Variants in CREBL2 observed in about 807,000 individuals in gnomAD.
The protein encoded by CREBL2 is cAMP responsive element binding protein like 2.
A neutral mutation model predicts 19.5 loss-of-function variants in CREBL2; 4 were observed. The observed-to-expected ratio is 0.20, with a 90% CI of 0.10 to 0.47. The LOEUF (loss-of-function observed/expected upper bound fraction) is 0.47, where lower values mean the gene tolerates loss of function less well. Among genes scored for constraint, CREBL2 ranks in the 20% least tolerant of loss-of-function variants. The pLI is 0.98. For missense variants in CREBL2, 85 were observed against 145.1 expected (o/e 0.59, Z 2.13); for synonymous variants, 42 against 46.6 (o/e 0.90, Z 0.40).
chr12:12,633,697 A>G (rs1420797289), intron 1 of CREBL2, among the ~76,000 whole-genome samples: 1 of 152,230 alleles, frequency 6.6e-6, no homozygotes, highest in Non-Finnish European at 1.5e-5. Flanking sequence ...ATTCACATTT[A>G]AAGCTTGGTT....
At chr12:12,638,260 G>A (rs1479877550) in intron 3 of CREBL2, among the ~76,000 whole-genome samples, 1 of 152,008 alleles carries the variant, frequency 6.6e-6, no homozygotes, top group Non-Finnish European at 1.5e-5. Context: ...GGCCAACATG[G>A]TGAAACCCCA....
At chr12:12,628,641 C>T (rs952808903) in intron 1 of CREBL2, among the ~76,000 whole-genome samples, 2 of 152,076 alleles carry the variant, frequency 1.3e-5, no homozygotes, top group African/African-American at 4.8e-5. Context: ...GACAGGGTCT[C>T]ACTCTGTCAT....
intron 3 of CREBL2, among the ~76,000 whole-genome samples, chr12:12,638,967 A>G (rs953162330): frequency 4.6e-5 from 7 of 152,092 alleles, no homozygotes; most frequent in African/African-American, 1.4e-4. Flanking sequence ...GTTATTCCCC[A>G]TTACCCACTT....
intron 2 of CREBL2, 48 bp downstream of exon 2, chr12:12,636,022 A>G (rs1182686593): frequency 6.6e-7 from 1 of 1,507,528 alleles, no homozygotes; most frequent in South Asian, 1.2e-5. Context: ...TAACAGTCAA[A>G]TAAATAATAC....
rs1309089481 is a variant in CREBL2 at position 12,644,387 on chromosome 12, T to G, written c.*2389T>G. On this transcript the variant is annotated 3_prime_UTR_variant, in exon 4 of 4. Transcript: ENST00000228865. ...GAAATCCTGGCACCCCTCACCTTTT[T>G]GTGATGACAAGATGGCTGACAGTCA... is the stretch of plus-strand genomic sequence containing the variant. 1 of 152,394 alleles carries G rather than the reference T, an allele frequency of 6.6e-6. No individual in the cohort carries two copies. The highest frequency in any genetic ancestry group is 1.9e-4 in the East Asian group (1 of 5,202). 9.4% of individuals were successfully genotyped at this position (152,394 alleles called of 1,614,324 possible).
chr12:12,640,434 T>C (rs1027678893), intron 3 of CREBL2, among the ~76,000 whole-genome samples: 50 of 152,238 alleles, frequency 3.3e-4, no homozygotes, highest in African/African-American at 1.1e-3. Context: ...TCAGATCTTA[T>C]GGTTTTCTTC....
intron 1 of CREBL2, chr12:12,632,677 A>G (rs1945449922): frequency 6.6e-6 from 1 of 152,148 alleles, no homozygotes; most frequent in South Asian, 2.1e-4. Flanking sequence ...CACTACAGAC[A>G]TGAGTTCTTG....
At chr12:12,621,578 G>A (rs1220046917) in intron 1 of CREBL2, among the ~76,000 whole-genome samples, 1 of 151,878 alleles carries the variant, frequency 6.6e-6, no homozygotes, top group African/African-American at 2.4e-5. Context: ...TGCCAGCAGG[G>A]CGGTGATATA....
At chr12:12,636,098 G>A in intron 2 of CREBL2, 124 bp downstream of exon 2, 1 of 950,802 alleles carries the variant, frequency 1.1e-6, no homozygotes, top group Non-Finnish European at 1.5e-6. Context: ...ATATTAATCT[G>A]TTAGCCAGGA....
intron 1 of CREBL2, among the ~76,000 whole-genome samples, chr12:12,620,496 C>T (rs1447094784): frequency 6.6e-6 from 1 of 152,184 alleles, no homozygotes; most frequent in African/African-American, 2.4e-5. Flanking sequence ...TCCCAAAGTG[C>T]TGAGATTACG....
At chr12:12,617,936 T>C (rs1480329423) in intron 1 of CREBL2, among the ~76,000 whole-genome samples, 1 of 151,906 alleles carries the variant, frequency 6.6e-6, no homozygotes, top group East Asian at 1.9e-4. Flanking sequence ...CCTTAATCCA[T>C]TTAACCCTGA....
chr12:12,640,599 G>A (rs993449082), intron 3 of CREBL2, among the ~76,000 whole-genome samples: 16 of 152,280 alleles, frequency 1.1e-4, no homozygotes, highest in Non-Finnish European at 2.1e-4. Flanking sequence ...GAAGATAATA[G>A]GATTAAGAGT....
At chr12:12,619,580 C>T (rs936790260) in intron 1 of CREBL2, among the ~76,000 whole-genome samples, 7 of 151,116 alleles carry the variant, frequency 4.6e-5, no homozygotes, top group Non-Finnish European at 1.0e-4. Flanking sequence ...CACTGCACTC[C>T]AGCCTGGGCA....
intron 1 of CREBL2, among the ~76,000 whole-genome samples, chr12:12,627,235 A>G (rs1197913562): frequency 6.6e-6 from 1 of 152,220 alleles, no homozygotes; most frequent in African/African-American, 2.4e-5. Context: ...TACCACACTA[A>G]TGAAAGATGT....
chr12:12,622,686 A>G (rs1003114550), intron 1 of CREBL2, among the ~76,000 whole-genome samples: 1 of 152,234 alleles, frequency 6.6e-6, no homozygotes, highest in African/African-American at 2.4e-5. Context: ...AGATCTGGCA[A>G]ATATAAAAAG....
At chr12:12,616,226 C>T (rs1945310618) in intron 1 of CREBL2, among the ~76,000 whole-genome samples, 2 of 152,130 alleles carry the variant, frequency 1.3e-5, no homozygotes, top group Admixed American at 1.3e-4. Flanking sequence ...AAGAAAAATA[C>T]ATAGGATTTT....
chr12:12,627,108 A>G (rs559260805), intron 1 of CREBL2, among the ~76,000 whole-genome samples: 1 of 152,264 alleles, frequency 6.6e-6, no homozygotes, highest in South Asian at 2.1e-4. Flanking sequence ...ACGATTCTGT[A>G]TGATACTGCT....
At chr12:12,632,926 A>T (rs1281360115) in intron 1 of CREBL2, among the ~76,000 whole-genome samples, 7 of 149,722 alleles carry the variant, frequency 4.7e-5, no homozygotes, top group Non-Finnish European at 1.0e-4. Flanking sequence ...TTTAATTTTT[A>T]TTTTTTATTT....
At chr12:12,635,120 G>A (rs1057245659) in intron 1 of CREBL2, among the ~76,000 whole-genome samples, 3 of 152,012 alleles carry the variant, frequency 2.0e-5, no homozygotes, top group Non-Finnish European at 4.4e-5. Context: ...AGCACCTTGG[G>A]AGGCCAAGGC....
Sources: gnomAD v4.1 joint callset for allele counts (sites outside exome capture counted in the v4.1 genomes callset) on GRCh38, gnomAD v4.1.1 for gene constraint, MANE v1.5 for transcripts, NCBI Gene and HGNC (gene_info 2026-07-23, HGNC 2026-07-21) for gene names.